Variants in BMP5 observed in about 807,000 individuals in gnomAD.
The protein encoded by BMP5 is bone morphogenetic protein 5.
In BMP5, 23 loss-of-function variants were observed where a neutral mutation model predicts 46.6. The ratio of observed to expected loss-of-function variants is 0.49; its 90% CI spans 0.35 to 0.70. The LOEUF (loss-of-function observed/expected upper bound fraction) is 0.70. BMP5 is among the 30% of genes least tolerant of loss of function. The probability of loss-of-function intolerance (pLI) is 0.00; values close to 1 mark genes in which losing one functional copy is unlikely to be tolerated. For synonymous variants in BMP5, 204 were observed against 191.9 expected, an observed-to-expected ratio of 1.06 and a Z score of -0.52; for missense variants, 545 against 565.6, an observed-to-expected ratio of 0.96 and a Z score of 0.37.
chr6:55,822,553 C>T (rs1300258087), intron 1 of BMP5, among the ~76,000 whole-genome samples: 2 of 152,160 alleles, frequency 1.3e-5, no homozygotes, highest in Admixed American at 1.3e-4. Flanking sequence ...AACCATTATT[C>T]ATTTTTTCAT....
rs946515534 is a variant in BMP5, at chr6:55,860,030, C to A, written c.490+14346G>T. On this transcript the variant is annotated intron_variant, in intron 1 of 6. Coordinates refer to ENST00000370830, the MANE Select transcript of BMP5 (RefSeq NM_021073.4). Reference sequence around the variant, plus strand: ...GTGGCTCATGCCTATAATCCCAGCACTTTGGGAAGCTAAGACAGGCAAATC... The same window carrying A: ...GTGGCTCATGCCTATAATCCCAGCAATTTGGGAAGCTAAGACAGGCAAATC... Among the ~76,000 whole-genome samples, 7 of 152,198 alleles carry A rather than the reference C, an allele frequency of 4.6e-5. No individual in the cohort carries two copies. The East Asian group carries it at 1.2e-3, about 25-fold the overall frequency.
intron 1 of BMP5, among the ~76,000 whole-genome samples, chr6:55,821,035 GA>G (rs1355293098): frequency 6.6e-6 from 1 of 152,106 alleles, no homozygotes; most frequent in African/African-American, 2.4e-5. Context: ...GAAATCTTTA[GA>G]AGATTAATTA....
chr6:55,866,995 T>TAAAC (rs936525603), intron 1 of BMP5, among the ~76,000 whole-genome samples: 69 of 152,210 alleles, frequency 4.5e-4, no homozygotes, highest in African/African-American at 1.4e-3. Flanking sequence ...ACTTGCTGAC[T>TAAAC]AAACAACCAA....
intron 1 of BMP5, among the ~76,000 whole-genome samples, chr6:55,853,610 G>C (rs1186376214): frequency 2.0e-5 from 3 of 152,092 alleles, no homozygotes; most frequent in Non-Finnish European, 4.4e-5. Context: ...ATTCCTCCCA[G>C]AAAAAATTTG....
intron 2 of BMP5, among the ~76,000 whole-genome samples, chr6:55,814,893 G>T (rs995070170): frequency 6.6e-6 from 1 of 152,306 alleles, no homozygotes; most frequent in East Asian, 1.9e-4. Context: ...ACTTTGGGAG[G>T]CTGAGGCGGG....
At chr6:55,758,881 A>G (rs1774681269) in intron 6 of BMP5, 124 bp downstream of exon 6, 1 of 768,740 alleles carries the variant, frequency 1.3e-6, no homozygotes, top group Non-Finnish European at 2.3e-6. Context: ...CTCTAAAAAG[A>G]AACAAATGAG....
At chr6:55,788,122 C>T (rs1377717325) in intron 3 of BMP5, among the ~76,000 whole-genome samples, 2 of 151,742 alleles carry the variant, frequency 1.3e-5, no homozygotes, top group African/African-American at 2.4e-5. Flanking sequence ...TTTATTAACT[C>T]AAATACTAGT....
chr6:55,833,950 T>C (rs1198831412), intron 1 of BMP5, among the ~76,000 whole-genome samples: 1 of 152,084 alleles, frequency 6.6e-6, no homozygotes, highest in Non-Finnish European at 1.5e-5. Context: ...TATGCAAAAA[T>C]CTATAATTTC....
At chr6:55,822,424 G>A (rs1000233145) in intron 1 of BMP5, among the ~76,000 whole-genome samples, 1 of 152,032 alleles carries the variant, frequency 6.6e-6, no homozygotes, top group Non-Finnish European at 1.5e-5. Context: ...TGGCCTAGGT[G>A]GCACTGTCCC....
chr6:55,787,220 G>T (rs899756554), intron 3 of BMP5, among the ~76,000 whole-genome samples: 3 of 151,490 alleles, frequency 2.0e-5, no homozygotes, highest in Non-Finnish European at 4.4e-5. Context: ...CTCTCTTAGG[G>T]ATACGAAGAA....
intron 1 of BMP5, among the ~76,000 whole-genome samples, chr6:55,841,597 G>T (rs572439887): frequency 1.5e-5 from 2 of 132,610 alleles, no homozygotes; most frequent in South Asian, 2.4e-4. Flanking sequence ...AGGTCTGGTG[G>T]TGGTGTTTGT....
chr6:55,791,675 T>A (rs2127527896), intron 3 of BMP5, among the ~76,000 whole-genome samples: 1 of 151,666 alleles, frequency 6.6e-6, no homozygotes, highest in Non-Finnish European at 1.5e-5. Flanking sequence ...ATGGAAATAG[T>A]AAAAGAGAGA....
intron 3 of BMP5, among the ~76,000 whole-genome samples, chr6:55,775,196 A>G (rs1775147165): frequency 6.6e-6 from 1 of 151,880 alleles, no homozygotes; most frequent in African/African-American, 2.4e-5. Flanking sequence ...TTGATAAAGT[A>G]CCTCTCCCAT....
rs76689561 is a variant in BMP5 at position 55,810,924 on chromosome 6, A to G, written c.683+8731T>C. Among the ~76,000 whole-genome samples the G allele has an allele frequency of 7.0e-3, 1,062 of 152,260 alleles. 11 individuals carry two copies. The highest frequency in any genetic ancestry group is 0.025 in the African/African-American group (1,028 of 41,526). On this transcript the variant is annotated intron_variant, in intron 2 of 6. Transcript: ENST00000370830. Reference sequence around the variant, plus strand: ...CATACCTGCCCCCTATCAATTGTGGATGACAAAATAAAGTGTTTCCATACA... The same window carrying G: ...CATACCTGCCCCCTATCAATTGTGGGTGACAAAATAAAGTGTTTCCATACA...
intron 2 of BMP5, among the ~76,000 whole-genome samples, chr6:55,795,360 C>G (rs1265966213): frequency 6.6e-6 from 1 of 151,940 alleles, no homozygotes. Context: ...CACCATTATG[C>G]ATTTTATGAC....
At position 55,823,794 on chromosome 6, in the gene BMP5, C is replaced by T. The variant is rs567904424; in HGVS notation, c.491-3947G>A. 2.0e-5 allele frequency among the ~76,000 whole-genome samples: 3 copies of T among 151,954 alleles called. No individual in the cohort carries two copies. In the Admixed American group the frequency reaches 2.0e-4, roughly 10 times the overall value. On this transcript the variant is annotated intron_variant, in intron 1 of 6. Coordinates refer to ENST00000370830, the MANE Select transcript of BMP5 (RefSeq NM_021073.4). ...CCATTCTTTCTGGACTCAGTTCATT[C>T]TTTTAGAACACACCTCCTCCTATCT...
chr6:55,758,953 A>T, intron 6 of BMP5, 52 bp downstream of exon 6: 1 of 1,211,448 alleles, frequency 8.3e-7, no homozygotes, highest in Non-Finnish European at 1.2e-6. Flanking sequence ...AAACAACTTT[A>T]TAATATGCTT....
At chr6:55,755,822 T>G (rs1444499996) in intron 6 of BMP5, 140 bp from the exon 7 acceptor site, 1 of 820,238 alleles carries the variant, frequency 1.2e-6, no homozygotes, top group South Asian at 1.7e-5. Flanking sequence ...ATTCCATGAC[T>G]GGGGTGGGGG....
chr6:55,861,209 C>G (rs1205431238), intron 1 of BMP5, among the ~76,000 whole-genome samples: 1 of 152,208 alleles, frequency 6.6e-6, no homozygotes, highest in Non-Finnish European at 1.5e-5. Context: ...CAAACTTCCA[C>G]TTTAGTAGGT....
Sources: gnomAD v4.1 joint callset for allele counts (sites outside exome capture counted in the v4.1 genomes callset) on GRCh38, gnomAD v4.1.1 for gene constraint, MANE v1.5 for transcripts, NCBI Gene and HGNC (gene_info 2026-07-23, HGNC 2026-07-21) for gene names.